NCKAP1: variants seen among roughly 807,000 people sequenced by gnomAD.
The protein encoded by NCKAP1 is nck-associated protein 1.
NCKAP1 carries 21 observed loss-of-function variants against 151.2 expected under a neutral mutation model. That is an observed-to-expected ratio of 0.14 (90% CI 0.10 to 0.20). The LOEUF is 0.20. NCKAP1 is among the 10% of genes least tolerant of loss of function. NCKAP1 has a pLI of 1.00. For synonymous variants in NCKAP1, 484 were observed against 451.8 expected, an observed-to-expected ratio of 1.07 and a Z score of -0.90; for missense variants, 933 against 1,352.1, an observed-to-expected ratio of 0.69 and a Z score of 4.86.
At chr2:183,004,470 C>A (rs1471597801) in intron 2 of NCKAP1, among the ~76,000 whole-genome samples, 3 of 138,352 alleles carry the variant, frequency 2.2e-5, no homozygotes, top group African/African-American at 8.8e-5. Flanking sequence ...CTACGAAAAA[C>A]CTATTTAAAA....
At chr2:182,974,603 A>T (rs915239207) in intron 15 of NCKAP1, among the ~76,000 whole-genome samples, 1 of 152,212 alleles carries the variant, frequency 6.6e-6, no homozygotes, top group African/African-American at 2.4e-5. Context: ...ACAAGCAAGG[A>T]ACAACAAAGA....
chr2:182,921,182 C>T lies in NCKAP1; in HGVS notation c.*4520G>A, dbSNP rs1696545473. Reference sequence around the variant, plus strand: ...TTAAATTAGTAGTTTAATGAGTGAGCAATTTAGCACCTGATACTGCTGAGA... The same window carrying T: ...TTAAATTAGTAGTTTAATGAGTGAGTAATTTAGCACCTGATACTGCTGAGA... On this transcript the variant is annotated 3_prime_UTR_variant, in exon 31 of 31. Transcript: ENST00000361354. 3 of 152,088 alleles carry T rather than the reference C, an allele frequency of 2.0e-5. No homozygotes were observed. Among genetic ancestry groups the T allele is most frequent in the Admixed American group, 2.0e-4 (3 of 15,254 alleles). 9.4% of individuals were successfully genotyped at this position (152,088 alleles called of 1,614,324 possible). A position where few individuals can be genotyped will look rare whatever the true frequency, so the allele number is the denominator to read the frequency against.
chr2:182,974,506 A>G (rs1426644926), intron 15 of NCKAP1, among the ~76,000 whole-genome samples: 1 of 152,162 alleles, frequency 6.6e-6, no homozygotes, highest in Non-Finnish European at 1.5e-5. Context: ...GTAGCCCTAT[A>G]AAAAGGGAAA....
intron 14 of NCKAP1, among the ~76,000 whole-genome samples, chr2:182,977,202 A>G (rs888738903): frequency 2.6e-5 from 4 of 152,134 alleles, no homozygotes; most frequent in Admixed American, 2.0e-4. Context: ...TCTAAATACA[A>G]TGGAGGCCGG....
chr2:182,937,114 CAAAAAAAAAAAAAAA>C (rs67087110), intron 24 of NCKAP1, among the ~76,000 whole-genome samples: 7 of 80,810 alleles, frequency 8.7e-5, no homozygotes, highest in South Asian at 5.9e-4. Context: ...GACTGTCTCA[CAAAAAAAAAAAAAAA>C]AAAAAAAAAA....
intron 20 of NCKAP1, among the ~76,000 whole-genome samples, chr2:182,955,136 T>C (rs994153343): frequency 6.6e-6 from 1 of 152,342 alleles, no homozygotes; most frequent in South Asian, 2.1e-4. Context: ...TCAAGTCAAC[T>C]GATAATTTAA....
chr2:183,016,131 G>C (rs534054742), intron 2 of NCKAP1, among the ~76,000 whole-genome samples: 1 of 152,240 alleles, frequency 6.6e-6, no homozygotes, highest in South Asian at 2.1e-4. Flanking sequence ...TCCCTCTGAG[G>C]AATATGACTA....
In NCKAP1 at chr2:182,922,860, A is replaced by C. The variant is rs1696573812; in HGVS notation, c.*2842T>G. The stretch of plus-strand genomic sequence containing the variant: ...AAACCCCATCTCTACTAAAAATACC[A>C]AAAATTAACTGGGCGTAGTGGCGGG... On this transcript the variant is annotated 3_prime_UTR_variant, in exon 31 of 31. Transcript: ENST00000361354. 1 of 152,182 alleles carries C rather than the reference A, an allele frequency of 6.6e-6. No homozygotes were observed. Among genetic ancestry groups the C allele is most frequent in the Non-Finnish European group, 1.5e-5 (1 of 68,084 alleles). 9.4% of individuals were successfully genotyped at this position (152,182 alleles called of 1,614,324 possible).
At chr2:182,971,262 C>T (rs905579363) in intron 15 of NCKAP1, among the ~76,000 whole-genome samples, 23 of 149,812 alleles carry the variant, frequency 1.5e-4, no homozygotes, top group East Asian at 1.4e-3. Flanking sequence ...GGCGTAGTGG[C>T]GGGCGCCTGT....
At position 182,927,719 on chromosome 2, in the gene NCKAP1, T is replaced by C. The variant is rs143905542; in HGVS notation, c.3180+398A>G. On this transcript the variant is annotated intron_variant, in intron 29 of 30. Transcript: ENST00000361354. ...GTAAAATATGTCTTTTTAGAGGGAATAGCTTCTCTCTTGGCCTCAATTTTC... is the reference window on the plus strand; with the variant it reads ...GTAAAATATGTCTTTTTAGAGGGAACAGCTTCTCTCTTGGCCTCAATTTTC... Among the ~76,000 whole-genome samples the C allele has an allele frequency of 3.3e-5, 5 of 152,186 alleles. No individual in the cohort carries two copies. In the East Asian group the frequency reaches 7.7e-4, roughly 23 times the overall value.
At chr2:183,024,325 C>T (rs1210933303) in intron 1 of NCKAP1, among the ~76,000 whole-genome samples, 1 of 152,122 alleles carries the variant, frequency 6.6e-6, no homozygotes, top group Non-Finnish European at 1.5e-5. Flanking sequence ...GTTTAAATGT[C>T]TTTTCCAAAA....
intron 6 of NCKAP1, 81 bp from the exon 7 acceptor site, chr2:182,995,919 T>G: frequency 8.3e-7 from 1 of 1,206,330 alleles, no homozygotes; most frequent in South Asian, 1.3e-5. Flanking sequence ...TGCTGTGTGT[T>G]TCTAACTATA....
At chr2:183,022,090 A>C (rs912465818) in intron 2 of NCKAP1, among the ~76,000 whole-genome samples, 1 of 152,226 alleles carries the variant, frequency 6.6e-6, no homozygotes, top group Non-Finnish European at 1.5e-5. Context: ...GCAGATGCTT[A>C]ATTGGTCTGC....
rs969498088 is a variant in NCKAP1 at position 182,922,512 on chromosome 2, C to T, written c.*3190G>A. 7.2e-5 allele frequency: 11 copies of T among 152,258 alleles called. No individual in the cohort carries two copies. Among genetic ancestry groups the T allele is most frequent in the African/African-American group, 2.4e-4 (10 of 41,458 alleles). 9.4% of individuals were successfully genotyped at this position (152,258 alleles called of 1,614,324 possible). ...GACACAGATGACACACTTCTAACTT[C>T]TCAAACATGCCAAGTTTGTGCTTGC... On this transcript the variant is annotated 3_prime_UTR_variant, in exon 31 of 31. Coordinates refer to ENST00000361354, the MANE Select transcript of NCKAP1 (RefSeq NM_013436.5).
chr2:182,962,359 A>T (rs573228793), intron 17 of NCKAP1, 81 bp from the exon 18 acceptor site: 1 of 1,338,742 alleles, frequency 7.5e-7, no homozygotes, highest in Admixed American at 2.5e-5. Flanking sequence ...TAGACATGGA[A>T]AATTAGGCTA....
chr2:183,011,169 G>A (rs1231169045), intron 2 of NCKAP1, among the ~76,000 whole-genome samples: 1 of 152,138 alleles, frequency 6.6e-6, no homozygotes, highest in East Asian at 1.9e-4. Flanking sequence ...AAATATACTT[G>A]TTACAATTTT....
chr2:182,976,617 T>C (rs1697829737), intron 15 of NCKAP1, among the ~76,000 whole-genome samples: 1 of 152,194 alleles, frequency 6.6e-6, no homozygotes, highest in Non-Finnish European at 1.5e-5. Context: ...CACTTTAGAA[T>C]TAAATATTTG....
At position 182,978,827 on chromosome 2, in the gene NCKAP1, T is replaced by C. The variant is rs1394550579; in HGVS notation, c.1423+7A>G. The stretch of plus-strand genomic sequence containing the variant: ...GAAAATATGCTTTTATTTAAAAGGC[T>C]TATTACCTTGTTTTACACTTAGGGA... On this transcript the variant is annotated splice_region_variant and intron_variant, in intron 14 of 30. Transcript: ENST00000361354. 6.6e-7 allele frequency: 1 copy of C among 1,523,732 alleles called. No homozygotes were observed. The allele number at this position is 1,523,732 out of a possible 1,614,324, so 94.4% of individuals were successfully genotyped here. A position where few individuals can be genotyped will look rare whatever the true frequency, so the allele number is the denominator to read the frequency against.
At chr2:182,932,314 T>C (rs1696782614) in intron 26 of NCKAP1, among the ~76,000 whole-genome samples, 1 of 152,078 alleles carries the variant, frequency 6.6e-6, no homozygotes, top group East Asian at 1.9e-4. Context: ...TGATATATGC[T>C]GTAATATGTA....
Sources: allele counts gnomAD v4.1 joint callset (sites outside exome capture counted in the v4.1 genomes callset), GRCh38; gene constraint gnomAD v4.1.1; transcripts MANE v1.5; gene names NCBI Gene and HGNC (gene_info 2026-07-23, HGNC 2026-07-21).